OR51B5: variants seen among roughly 807,000 people sequenced by gnomAD.
OR51B5 encodes olfactory receptor 51B5.
For synonymous variants in OR51B5, 186 were observed against 144.8 expected (o/e 1.28, Z -2.04); for missense variants, 456 against 374.6 (o/e 1.22, Z -1.79).
At position 5,499,557 on chromosome 11, in the gene OR51B5, G is replaced by A. The variant is rs577439645; in HGVS notation, n.84+6012C>T. 7.2e-5 allele frequency among the ~76,000 whole-genome samples: 11 copies of A among 152,270 alleles called. No individual in the cohort carries two copies. In the South Asian group the frequency reaches 2.1e-3, roughly 29 times the overall value. On this transcript the variant is annotated intron_variant and non_coding_transcript_variant, in intron 1 of 4. Transcript: ENST00000415970. The stretch of plus-strand genomic sequence containing the variant: ...TGAAGTCTAACAGGGACCTCAACTA[G>A]CAGGGTCAAAACAGTATTTTTTATA...
intron 1 of OR51B5, among the ~76,000 whole-genome samples, chr11:5,378,026 A>G (rs1240712248): frequency 7.0e-6 from 1 of 142,080 alleles, no homozygotes; most frequent in African/African-American, 2.6e-5. Context: ...CAAAAGAACA[A>G]AGCTGGAGGC....
intron 1 of OR51B5, among the ~76,000 whole-genome samples, chr11:5,438,205 T>A (rs1003929507): frequency 6.6e-6 from 1 of 152,132 alleles, no homozygotes; most frequent in African/African-American, 2.4e-5. Flanking sequence ...GAAGTCATGA[T>A]GTAAAATGAC....
At chr11:5,461,186 G>T (rs1851044271) in intron 1 of OR51B5, among the ~76,000 whole-genome samples, 1 of 152,194 alleles carries the variant, frequency 6.6e-6, no homozygotes, top group African/African-American at 2.4e-5. Context: ...GGATGACTGG[G>T]GTCCCCAGTG....
rs199895121 is a variant in OR51B5, at chr11:5,489,023, G to A, written n.84+16546C>T. 7.3e-5 allele frequency: 118 copies of A among 1,614,058 alleles called. No individual in the cohort carries two copies. Among genetic ancestry groups the A allele is most frequent in the Non-Finnish European group, 9.8e-5 (116 of 1,179,998 alleles). ...GGTGGATGCCTGGCCCAGATGTTTT[G>A]TGTCCATTCTATCTATGCTCTGGAG... On this transcript the variant is annotated intron_variant and non_coding_transcript_variant, in intron 1 of 4. Transcript: ENST00000415970.
intron 1 of OR51B5, among the ~76,000 whole-genome samples, chr11:5,470,960 A>G (rs1310396673): frequency 6.6e-6 from 1 of 152,228 alleles, no homozygotes; most frequent in Non-Finnish European, 1.5e-5. Context: ...GAAACCTATC[A>G]ATGGCTTCAC....
intron 1 of OR51B5, among the ~76,000 whole-genome samples, chr11:5,499,177 G>A (rs1851687558): frequency 7.1e-6 from 1 of 141,008 alleles, no homozygotes; most frequent in Non-Finnish European, 1.6e-5. Flanking sequence ...TGATGTCTAT[G>A]AAAAATTGGC....
At chr11:5,460,041 C>T (rs1421930896) in intron 1 of OR51B5, among the ~76,000 whole-genome samples, 2 of 151,914 alleles carry the variant, frequency 1.3e-5, no homozygotes, top group African/African-American at 2.4e-5. Flanking sequence ...GAATTCTACA[C>T]AGCAATAAAA....
chr11:5,435,584 A>G (rs955709942), intron 1 of OR51B5, among the ~76,000 whole-genome samples: 4 of 152,316 alleles, frequency 2.6e-5, no homozygotes, highest in Admixed American at 2.6e-4. Flanking sequence ...TTTTAACTGG[A>G]TGAATAAATA....
rs186787230 is a variant in OR51B5 at position 5,375,902 on chromosome 11, C to T, written n.85-28992G>A. ...CCACTGTCAACATTAGACAGATCAA[C>T]GAGACAGAAAGTTAACAAGGATATC... On this transcript the variant is annotated intron_variant and non_coding_transcript_variant, in intron 1 of 4. Transcript: ENST00000415970. Among the ~76,000 whole-genome samples the T allele has an allele frequency of 2.1e-3, 325 of 152,126 alleles. 1 individual carries two copies. Among genetic ancestry groups the T allele is most frequent in the African/African-American group, 6.9e-3 (288 of 41,506 alleles).
intron 1 of OR51B5, among the ~76,000 whole-genome samples, chr11:5,487,427 AT>A (rs1851514394): frequency 1.3e-5 from 2 of 152,124 alleles, no homozygotes; most frequent in African/African-American, 4.8e-5. Context: ...AGGCTTTGGA[AT>A]TTTTTTCAAT....
At chr11:5,404,896 G>A (rs974119581) in intron 1 of OR51B5, among the ~76,000 whole-genome samples, 3 of 152,134 alleles carry the variant, frequency 2.0e-5, no homozygotes, top group East Asian at 1.9e-4. Context: ...CCACCAGAAG[G>A]AAGAAACTCT....
chr11:5,360,311 C>G (rs1287993506), intron 1 of OR51B5, among the ~76,000 whole-genome samples: 2 of 151,840 alleles, frequency 1.3e-5, no homozygotes, highest in East Asian at 3.9e-4. Flanking sequence ...AAAAACAACC[C>G]CATCAAAAAG....
At chr11:5,386,267 T>A (rs964960651) in intron 1 of OR51B5, among the ~76,000 whole-genome samples, 1 of 151,634 alleles carries the variant, frequency 6.6e-6, no homozygotes, top group African/African-American at 2.4e-5. Context: ...AAAGATGGGT[T>A]TGGAAAGGTG....
intron 1 of OR51B5, among the ~76,000 whole-genome samples, chr11:5,424,063 A>G (rs1485437805): frequency 6.6e-6 from 1 of 152,230 alleles, no homozygotes; most frequent in Non-Finnish European, 1.5e-5. Flanking sequence ...TGGAAACAAG[A>G]TAAACTTTCC....
intron 1 of OR51B5, among the ~76,000 whole-genome samples, chr11:5,365,402 A>G (rs1849348677): frequency 1.3e-5 from 2 of 152,218 alleles, no homozygotes; most frequent in African/African-American, 4.8e-5. Context: ...ATATGGGATG[A>G]GAGACAAGAT....
At chr11:5,362,558 T>C (rs961598406) in intron 1 of OR51B5, 6 of 162,526 alleles carry the variant, frequency 3.7e-5, no homozygotes. Flanking sequence ...AAGCAAAAGA[T>C]AAGAAATAAC....
At chr11:5,359,218 T>C (rs373393054) in intron 1 of OR51B5, among the ~76,000 whole-genome samples, 341 of 148,158 alleles carry the variant, frequency 2.3e-3, no homozygotes, top group African/African-American at 5.9e-3. Flanking sequence ...TGTTTGCAGA[T>C]GACACGATTG....
intron 1 of OR51B5, chr11:5,352,326 A>C: frequency 6.2e-7 from 1 of 1,613,850 alleles, no homozygotes; most frequent in Non-Finnish European, 8.5e-7. Flanking sequence ...TTCACATCAC[A>C]ATGAGCTACA....
At chr11:5,393,936 T>C (rs1031888907) in intron 1 of OR51B5, among the ~76,000 whole-genome samples, 5 of 152,178 alleles carry the variant, frequency 3.3e-5, no homozygotes, top group East Asian at 1.9e-4. Context: ...TTCCATGTTA[T>C]ACTGAAGGAA....
Sources: allele counts gnomAD v4.1 joint callset (sites outside exome capture counted in the v4.1 genomes callset), GRCh38; gene constraint gnomAD v4.1.1; transcripts MANE v1.5; gene names NCBI Gene and HGNC (gene_info 2026-07-23, HGNC 2026-07-21).